Variants in RAD50 observed in about 807,000 individuals in gnomAD.
RAD50 encodes the protein RAD50 double strand break repair protein.
A neutral mutation model predicts 168.8 loss-of-function variants in RAD50; 132 were observed. That is an observed-to-expected ratio of 0.78 (90% CI 0.68 to 0.90). The LOEUF is 0.90. RAD50 is among the 40% of genes least tolerant of loss of function. RAD50 has a pLI of 0.00. For missense variants in RAD50, 1,347 were observed against 1,534.4 expected (o/e 0.88, Z 2.04); for synonymous variants, 525 against 497.4 (o/e 1.06, Z -0.74).
Position 132,616,034 on chromosome 5 carries a change from C to T in RAD50, c.3068C>T (p.Thr1023Ile), listed in dbSNP as rs755608245. ...IQERWLQDNL[T>I]LRKRNEELKE... Reference sequence around the variant, plus strand: ...GAAAGGTGGCTACAAGATAACCTTACTTTAAGAAAAAGAAATGAGGAACTA... The same window carrying T: ...GAAAGGTGGCTACAAGATAACCTTATTTTAAGAAAAAGAAATGAGGAACTA... Residue 1023 changes from threonine to isoleucine, a missense_variant, in exon 20 of 25, where the codon ACT (threonine) becomes ATT (isoleucine). Physicochemically the swap from Thr to Ile is moderately conservative, Grantham distance 89 (BLOSUM62 -1). Around this residue, in one of 3 missense-constraint regions of RAD50, gnomAD observed 635 missense variants for 739.2 expected, o/e 0.86. Transcript: ENST00000378823. 3 of 1,599,064 alleles carry T rather than the reference C, an allele frequency of 1.9e-6. No individual in the cohort carries two copies. The highest frequency in any genetic ancestry group is 2.7e-5 in the African/African-American group (2 of 74,478).
Position 132,598,760 on chromosome 5 carries a change from A to T in RAD50, c.2207+2950A>T, listed in dbSNP as rs148969453. 2.0e-3 allele frequency among the ~76,000 whole-genome samples: 300 copies of T among 152,338 alleles called. 1 individual carries two copies. Among genetic ancestry groups the T allele is most frequent in the African/African-American group, 5.6e-3 (231 of 41,588 alleles). ...TTGGCAGCACAGTGACTGGGTTACT[A>T]AACAGAGTATCCTAAGGGTAAGTAT... is the stretch of plus-strand genomic sequence containing the variant. On this transcript the variant is annotated intron_variant, in intron 13 of 24. Transcript: ENST00000378823.
chr5:132,573,001 T>G (rs1750333521), intron 2 of RAD50, among the ~76,000 whole-genome samples: 1 of 152,246 alleles, frequency 6.6e-6, no homozygotes, highest in Admixed American at 6.5e-5. Context: ...GCTGAGTTAA[T>G]GGTAACTTAT....
intron 21 of RAD50, among the ~76,000 whole-genome samples, chr5:132,631,428 T>C (rs537975157): frequency 6.6e-6 from 1 of 152,106 alleles, no homozygotes; most frequent in South Asian, 2.1e-4. Context: ...CCTCTCACTT[T>C]AAGAGCCAGT....
In RAD50 at chr5:132,643,725, T is replaced by TGGGGGGGGGAGGGGGGGGGGGGG. The variant is rs79229143; in HGVS notation, c.*1370_*1371insAGGGGGGGGGGGGGGGGGGGGGG. 1.0e-5 allele frequency: 1 copy of TGGGGGGGGGAGGGGGGGGGGGGG among 99,394 alleles called. No individual in the cohort carries two copies. The highest frequency in any genetic ancestry group is 4.9e-5 in the African/African-American group (1 of 20,592). 6.2% of individuals were successfully genotyped at this position (99,394 alleles called of 1,614,324 possible). On this transcript the variant is annotated 3_prime_UTR_variant, in exon 25 of 25. Transcript: ENST00000378823. ...GAGTATCCTGGGGGTGGTGGTGGGG[T>TGGGGGGGGGAGGGGGGGGGGGGG]GGGGGGGGGTCCTAAATGTAATCAC...
At chr5:132,608,792 C>T (rs552132297) in intron 17 of RAD50, 67 bp downstream of exon 17, 58 of 1,515,798 alleles carry the variant, frequency 3.8e-5, no homozygotes, top group East Asian at 7.4e-5. Context: ...AGCACCACGT[C>T]GGACACTTAT....
rs1052731157 is a variant in RAD50 at position 132,608,753 on chromosome 5, T to C, written c.2829+28T>C. 8.4e-6 allele frequency: 13 copies of C among 1,553,624 alleles called. No homozygotes were observed. The African/African-American group carries it at 1.1e-4, about 13-fold the overall frequency. On this transcript the variant is annotated intron_variant, in intron 17 of 24. Transcript: ENST00000378823. ...AAGATTTCATTTATATATTTACTTA[T>C]CAAATATCTGTATTAAACTTATGTT...
chr5:132,557,391 C>T lies in RAD50; in HGVS notation c.67C>T (p.Gln23Ter), dbSNP rs1332783913. Residue 23 changes from glutamine to a stop codon, truncating the protein, a stop_gained, in exon 1 of 25, where the codon CAA becomes TAA. Transcript: ENST00000378823. LOFTEE classifies it high-confidence loss of function. ...TTTTGGAATAGAGGACAAAGATAAG[C>T]AAATTATCACTTTCTTCAGCCCCCT... Reference protein sequence around the residue: ...RSFGIEDKDKQIITFFSPLTI... With the variant: ...RSFGIEDKDK The T allele has an allele frequency of 1.2e-6, 2 of 1,614,028 alleles. No homozygotes were observed. The highest frequency in any genetic ancestry group is 1.7e-6 in the Non-Finnish European group (2 of 1,179,852).
intron 9 of RAD50, 81 bp downstream of exon 9, chr5:132,589,918 T>A: frequency 8.0e-7 from 1 of 1,251,204 alleles, no homozygotes; most frequent in South Asian, 1.4e-5. Context: ...ATCCTAAGAT[T>A]ATAGCATTTT....
rs11420290 is a variant in RAD50, at chr5:132,637,512, C to CTT, written c.3475+321_3475+322dup. Among the ~76,000 whole-genome samples, 627 of 147,412 alleles carry CTT rather than the reference C, an allele frequency of 4.3e-3. 3 individuals carry two copies. The highest frequency in any genetic ancestry group is 0.01 in the African/African-American group (397 of 39,594). On this transcript the variant is annotated intron_variant, in intron 22 of 24. Transcript: ENST00000378823. ...TAAGAAAAACCATCCAGAGGAAACT[C>CTT]TTTTTTTTTTCTTTTTCTTTTTTTT...
At chr5:132,571,573 C>T (rs1231970836) in intron 2 of RAD50, among the ~76,000 whole-genome samples, 1 of 151,972 alleles carries the variant, frequency 6.6e-6, no homozygotes, top group Non-Finnish European at 1.5e-5. Context: ...CAAAAATTGG[C>T]GGGGTGTGGT....
At chr5:132,560,580 A>G (rs909444582) in intron 2 of RAD50, among the ~76,000 whole-genome samples, 5 of 152,208 alleles carry the variant, frequency 3.3e-5, no homozygotes, top group African/African-American at 4.8e-5. Context: ...TTATTTTCCA[A>G]TCATCACATC....
intron 18 of RAD50, 23 bp downstream of exon 18, chr5:132,609,232 T>G (rs1171875419): frequency 1.2e-6 from 2 of 1,606,618 alleles, no homozygotes; most frequent in Non-Finnish European, 1.7e-6. Context: ...TTAAAATTAT[T>G]TATTTGATTG....
chr5:132,639,326 C>G (rs917149014), intron 23 of RAD50, among the ~76,000 whole-genome samples: 3 of 147,328 alleles, frequency 2.0e-5, no homozygotes, highest in African/African-American at 7.7e-5. Flanking sequence ...GCACTCCAGC[C>G]CAGGCAACAA....
At chr5:132,559,160 A>G (rs1211996042) in intron 1 of RAD50, 124 bp from the exon 2 acceptor site, 3 of 974,798 alleles carry the variant, frequency 3.1e-6, no homozygotes, top group Non-Finnish European at 4.4e-6. Context: ...TACAGGTTTT[A>G]TAATGTCAGA....
chr5:132,630,959 A>G (rs1010228247), intron 21 of RAD50: 1 of 152,232 alleles, frequency 6.6e-6, no homozygotes, highest in Non-Finnish European at 1.5e-5. Context: ...ATGGATTACC[A>G]GAAATATAAA....
chr5:132,644,355 G>A lies in RAD50; in HGVS notation c.*1991G>A, dbSNP rs1751805727. ...TCCAAATATCCCCCTTCCCCACATTGGAATGAATAGCCATCACAGCATGGA... is the reference window on the plus strand; with the variant it reads ...TCCAAATATCCCCCTTCCCCACATTAGAATGAATAGCCATCACAGCATGGA... On this transcript the variant is annotated 3_prime_UTR_variant, in exon 25 of 25. Transcript: ENST00000378823. 1.2e-5 allele frequency: 2 copies of A among 171,284 alleles called. No homozygotes were observed. The highest frequency in any genetic ancestry group is 1.3e-4 in the Admixed American group (2 of 15,670). 10.6% of individuals were successfully genotyped at this position (171,284 alleles called of 1,614,324 possible). A position where few individuals can be genotyped will look rare whatever the true frequency, so the allele number is the denominator to read the frequency against.
chr5:132,575,752 G>A, intron 2 of RAD50, 25 bp from the exon 3 acceptor site: 2 of 1,567,670 alleles, frequency 1.3e-6, no homozygotes, highest in South Asian at 2.2e-5. Context: ...AGTAACATAA[G>A]TTTTTTCTGT....
intron 21 of RAD50, among the ~76,000 whole-genome samples, chr5:132,628,177 G>A (rs1751400743): frequency 6.6e-6 from 1 of 152,098 alleles, no homozygotes; most frequent in African/African-American, 2.4e-5. Flanking sequence ...ATATAACCTC[G>A]AGCCTAGAGT....
At chr5:132,566,209 T>C (rs908673145) in intron 2 of RAD50, among the ~76,000 whole-genome samples, 3 of 152,242 alleles carry the variant, frequency 2.0e-5, no homozygotes, top group African/African-American at 7.2e-5. Flanking sequence ...ATAGAAATGC[T>C]ACAAGATAGC....
Sources: allele counts gnomAD v4.1 joint callset (sites outside exome capture counted in the v4.1 genomes callset), GRCh38; gene constraint gnomAD v4.1.1; regional missense constraint gnomAD v4.1.1; transcripts MANE v1.5; gene names NCBI Gene and HGNC (gene_info 2026-07-23, HGNC 2026-07-21).